SMAD9: variants seen among roughly 807,000 people sequenced by gnomAD.
SMAD9 encodes the protein MAD homolog 9.
Under a neutral mutation model 46.1 loss-of-function variants are expected in SMAD9, and 36 were observed. The observed-to-expected ratio is 0.78, with a 90% confidence interval of 0.60 to 1.03. SMAD9 has a LOEUF of 1.03. SMAD9 is among the 50% of genes least tolerant of loss of function. SMAD9 has a pLI of 0.00. For missense variants in SMAD9, 572 were observed against 599.8 expected (o/e 0.95, Z 0.48); for synonymous variants, 245 against 237.1 (o/e 1.03, Z -0.31).
chr13:36,851,365 T>C (rs761951338), intron 6 of SMAD9, among the ~76,000 whole-genome samples: 1 of 152,164 alleles, frequency 6.6e-6, no homozygotes, highest in Non-Finnish European at 1.5e-5. Context: ...CCATGTCTCC[T>C]TCCAGTCTCT....
rs975657462 is a variant in SMAD9 at position 36,909,936 on chromosome 13, G to A, written c.-187+10180C>T. Among the ~76,000 whole-genome samples, 14 of 152,266 alleles carry A rather than the reference G, an allele frequency of 9.2e-5. No homozygotes were observed. In the East Asian group the frequency reaches 1.4e-3, roughly 15 times the overall value. ...CAACCGGCTGGGCGCAGTGGCTCAC[G>A]CCTGTAATCCCAGCATTTTGGGAGG... On this transcript the variant is annotated intron_variant, in intron 1 of 6. Coordinates refer to ENST00000379826, the MANE Select transcript of SMAD9 (RefSeq NM_001127217.3).
At chr13:36,897,849 C>CT (rs574741770) in intron 1 of SMAD9, among the ~76,000 whole-genome samples, 3,158 of 89,986 alleles carry the variant, frequency 0.035, 66 homozygotes, top group African/African-American at 0.041. Flanking sequence ...TGTCCTGTGT[C>CT]TTTTTTTTTT....
At chr13:36,856,192 T>A (rs2058122651) in intron 5 of SMAD9, among the ~76,000 whole-genome samples, 1 of 152,040 alleles carries the variant, frequency 6.6e-6, no homozygotes, top group Non-Finnish European at 1.5e-5. Context: ...ACCTGCCTTG[T>A]GAGGGTGGGC....
chr13:36,852,547 C>T, intron 6 of SMAD9: 2 of 984,834 alleles, frequency 2.0e-6, no homozygotes, highest in African/African-American at 1.7e-5. Context: ...AGAAATTCAA[C>T]AAATATTCAT....
chr13:36,882,675 C>T (rs1415530854), intron 1 of SMAD9, among the ~76,000 whole-genome samples: 1 of 152,212 alleles, frequency 6.6e-6, no homozygotes, highest in Non-Finnish European at 1.5e-5. Flanking sequence ...TAACAGTGGC[C>T]TCCAGGTAGG....
In SMAD9 at chr13:36,884,935, C is replaced by T. The variant is rs550743318; in HGVS notation, c.-186-5060G>A. On this transcript the variant is annotated intron_variant, in intron 1 of 6. Transcript: ENST00000379826. ...GCTCAGCCCAGGGGGTCAGGGAGCA[C>T]TTGTTTGTTCTGCGAGGGCCTAGTC... Among the ~76,000 whole-genome samples, 72 of 152,358 alleles carry T rather than the reference C, an allele frequency of 4.7e-4. 1 individual carries two copies. In the South Asian group the frequency reaches 6.0e-3, roughly 13 times the overall value.
chr13:36,911,572 G>C (rs995845586), intron 1 of SMAD9, among the ~76,000 whole-genome samples: 2 of 143,310 alleles, frequency 1.4e-5, no homozygotes, highest in Middle Eastern at 3.5e-3. Flanking sequence ...AAATTTTATA[G>C]ATGTGTGTCT....
At chr13:36,868,521 C>T (rs989371753) in intron 3 of SMAD9, among the ~76,000 whole-genome samples, 3 of 152,178 alleles carry the variant, frequency 2.0e-5, no homozygotes, top group Non-Finnish European at 4.4e-5. Flanking sequence ...GGGAGGATCA[C>T]CTGAGTCCAG....
At chr13:36,910,394 C>A (rs542879748) in intron 1 of SMAD9, among the ~76,000 whole-genome samples, 1 of 152,066 alleles carries the variant, frequency 6.6e-6, no homozygotes, top group African/African-American at 2.4e-5. Context: ...ATGGTGGATA[C>A]ACGTCATGAT....
In SMAD9 at chr13:36,879,741, G is replaced by T; in HGVS notation, c.-52C>A. The T allele has an allele frequency of 6.2e-7, 1 of 1,604,924 alleles. No homozygotes were observed. On this transcript the variant is annotated 5_prime_UTR_variant, in exon 2 of 7. Transcript: ENST00000379826. Reference sequence around the variant, plus strand: ...CACGGGAACCGCACAGCCCTTCACGGCAAAGTGGGCGGCGAGTAGCTCTCC... The same window carrying T: ...CACGGGAACCGCACAGCCCTTCACGTCAAAGTGGGCGGCGAGTAGCTCTCC...
chr13:36,893,118 A>G (rs931955371), intron 1 of SMAD9, among the ~76,000 whole-genome samples: 1 of 152,142 alleles, frequency 6.6e-6, no homozygotes, highest in Non-Finnish European at 1.5e-5. Context: ...TGAAATTTGT[A>G]TATTATAAGA....
intron 1 of SMAD9, among the ~76,000 whole-genome samples, chr13:36,882,009 T>C (rs1027712314): frequency 3.9e-5 from 6 of 152,224 alleles, no homozygotes; most frequent in African/African-American, 1.2e-4. Context: ...TTAGAAACTT[T>C]TGCTCCATGA....
intron 1 of SMAD9, among the ~76,000 whole-genome samples, chr13:36,902,591 C>A (rs1324264917): frequency 6.6e-6 from 1 of 151,832 alleles, no homozygotes. Flanking sequence ...GTAGCTGAGA[C>A]TATAGGTGCC....
intron 1 of SMAD9, among the ~76,000 whole-genome samples, chr13:36,894,164 G>A (rs368265204): frequency 7.9e-4 from 120 of 152,226 alleles, no homozygotes; most frequent in Admixed American, 2.0e-3. Context: ...GGTTTGATAC[G>A]GTTTGGCTGC....
chr13:36,845,159 G>A lies in SMAD9; in HGVS notation c.*3517C>T, dbSNP rs1028194226. 6.6e-6 allele frequency: 1 copy of A among 151,708 alleles called. No homozygotes were observed. Among genetic ancestry groups the A allele is most frequent in the African/African-American group, 2.4e-5 (1 of 41,302 alleles). 9.4% of individuals were successfully genotyped at this position (151,708 alleles called of 1,614,324 possible). On this transcript the variant is annotated 3_prime_UTR_variant, in exon 7 of 7. Transcript: ENST00000379826. Reference sequence around the variant, plus strand: ...ACACACTAAATATTTGGGACACAAAGTTAAGCAGGTGCTTACAGTCTATCA... The same window carrying A: ...ACACACTAAATATTTGGGACACAAAATTAAGCAGGTGCTTACAGTCTATCA...
rs60358673 is a variant in SMAD9, at chr13:36,905,774, C to CAAA, written c.-187+14339_-187+14341dup. On this transcript the variant is annotated intron_variant, in intron 1 of 6. Coordinates refer to ENST00000379826, the MANE Select transcript of SMAD9 (RefSeq NM_001127217.3). Reference sequence around the variant, plus strand: ...TAGATAAAAGGGCAAGACCCTGTCTCAAAAAAAAAAAAAAAAAAAAAAAAA... The same window carrying CAAA: ...TAGATAAAAGGGCAAGACCCTGTCTCAAAAAAAAAAAAAAAAAAAAAAAAAAAA... 1.5e-3 allele frequency among the ~76,000 whole-genome samples: 101 copies of CAAA among 66,438 alleles called. 5 individuals carry two copies. The highest frequency in any genetic ancestry group is 3.1e-3 in the South Asian group (5 of 1,626). The allele number at this position is 66,438 out of a possible 152,430, so 43.6% of individuals were successfully genotyped here.
intron 5 of SMAD9, among the ~76,000 whole-genome samples, chr13:36,864,839 A>C (rs1188964849): frequency 1.3e-5 from 2 of 152,220 alleles, no homozygotes; most frequent in African/African-American, 4.8e-5. Context: ...AGAAAAGGTC[A>C]AATGACTGAA....
At chr13:36,872,389 G>C (rs1472902848) in intron 3 of SMAD9, among the ~76,000 whole-genome samples, 2 of 150,426 alleles carry the variant, frequency 1.3e-5, no homozygotes, top group Admixed American at 6.6e-5. Flanking sequence ...AAAAATCCTT[G>C]GAAATTCCCA....
At chr13:36,911,995 A>G (rs2058665655) in intron 1 of SMAD9, among the ~76,000 whole-genome samples, 2 of 152,184 alleles carry the variant, frequency 1.3e-5, no homozygotes, top group South Asian at 2.1e-4. Flanking sequence ...GGTGTGAGCC[A>G]CCGCACCCAG....
Sources: gnomAD v4.1 joint callset for allele counts (sites outside exome capture counted in the v4.1 genomes callset) on GRCh38, gnomAD v4.1.1 for gene constraint, MANE v1.5 for transcripts, NCBI Gene and HGNC (gene_info 2026-07-23, HGNC 2026-07-21) for gene names.